The following GRAMD2B variants were observed in gnomAD, a reference collection of about 807,000 sequenced individuals.
GRAMD2B encodes the protein GRAM domain containing 2B, also known as GRAM domain-containing protein 2B.
In GRAMD2B, 41 loss-of-function variants were observed where a neutral mutation model predicts 59.2. That is an observed-to-expected ratio of 0.69 (90% CI 0.54 to 0.90). The LOEUF (loss-of-function observed/expected upper bound fraction) is 0.90. GRAMD2B is among the 40% of genes least tolerant of loss of function. The probability of loss-of-function intolerance (pLI) is 0.00; values close to 1 mark genes in which losing one functional copy is unlikely to be tolerated. For missense variants in GRAMD2B, 424 were observed against 500.5 expected (o/e 0.85, Z 1.46); for synonymous variants, 161 against 182.7 (o/e 0.88, Z 0.96).
At chr5:126,479,764 G>A (rs1771371859) in intron 6 of GRAMD2B, among the ~76,000 whole-genome samples, 1 of 152,208 alleles carries the variant, frequency 6.6e-6, no homozygotes, top group Non-Finnish European at 1.5e-5. Flanking sequence ...TCATGGAAAG[G>A]AGGTCTGAAA....
At chr5:126,466,330 A>T in intron 2 of GRAMD2B, 1 of 1,377,572 alleles carries the variant, frequency 7.3e-7, no homozygotes, top group Non-Finnish European at 1.0e-6. Context: ...TTCATTCAGG[A>T]CCAAGAGTAA....
intron 1 of GRAMD2B, among the ~76,000 whole-genome samples, chr5:126,373,466 C>T (rs893063056): frequency 6.6e-6 from 1 of 152,170 alleles, no homozygotes; most frequent in Non-Finnish European, 1.5e-5. Flanking sequence ...ATACAATTTA[C>T]ACAGTGTTTG....
At chr5:126,490,642 G>A (rs73785326) in intron 13 of GRAMD2B, among the ~76,000 whole-genome samples, 5,322 of 152,212 alleles carry the variant, frequency 0.035, 337 homozygotes, top group African/African-American at 0.12. Flanking sequence ...GGCCACACCC[G>A]TGCTCTTTTT....
At chr5:126,431,149 A>C (rs1159892679) in intron 1 of GRAMD2B, among the ~76,000 whole-genome samples, 6 of 152,118 alleles carry the variant, frequency 3.9e-5, no homozygotes, top group Non-Finnish European at 8.8e-5. Flanking sequence ...TGTCATTTTA[A>C]GGCCGGAATC....
Position 126,486,987 on chromosome 5 carries a change from T to C in GRAMD2B, c.1163+10T>C, listed in dbSNP as rs1442085238. On this transcript the variant is annotated intron_variant, in intron 12 of 13. Coordinates refer to ENST00000285689, the MANE Select transcript of GRAMD2B (RefSeq NM_023927.4). ...ACACCCATAATACTGAGTAAGACGA[T>C]TGCCTCTAGCTGTCATCTGCTTGCC... is the stretch of plus-strand genomic sequence containing the variant. The C allele has an allele frequency of 3.5e-6, 5 of 1,444,564 alleles. No homozygotes were observed. The highest frequency in any genetic ancestry group is 3.9e-6 in the Non-Finnish European group (4 of 1,026,698). 89.5% of individuals were successfully genotyped at this position (1,444,564 alleles called of 1,614,324 possible). A position where few individuals can be genotyped will look rare whatever the true frequency, so the allele number is the denominator to read the frequency against.
chr5:126,475,358 T>C (rs927630254), intron 5 of GRAMD2B, among the ~76,000 whole-genome samples: 3 of 152,280 alleles, frequency 2.0e-5, no homozygotes, highest in African/African-American at 7.2e-5. Flanking sequence ...TTATGAAAAA[T>C]CTAAATTTCT....
intron 1 of GRAMD2B, among the ~76,000 whole-genome samples, chr5:126,374,858 C>A (rs1755050484): frequency 6.6e-6 from 1 of 152,202 alleles, no homozygotes. Flanking sequence ...AATAAAAAAT[C>A]TGCTAAGACA....
rs1350471843 is a variant in GRAMD2B, at chr5:126,488,749, TCTTTC to T, written c.1164-46_1164-42del. On this transcript the variant is annotated intron_variant, in intron 12 of 13. Coordinates refer to ENST00000285689, the MANE Select transcript of GRAMD2B (RefSeq NM_023927.4). ...AAATTTTAAATGTGTTCATTCCACT[TCTTTC>T]CTTGTCATCCCTGCCCATAATAATT... 4 of 1,307,990 alleles carry T rather than the reference TCTTTC, an allele frequency of 3.1e-6. No homozygotes were observed. The African/African-American group carries it at 5.9e-5, about 19-fold the overall frequency. 81.0% of individuals were successfully genotyped at this position (1,307,990 alleles called of 1,614,324 possible). A position where few individuals can be genotyped will look rare whatever the true frequency, so the allele number is the denominator to read the frequency against.
upstream of GRAMD2B, among the ~76,000 whole-genome samples, chr5:126,367,742 ATTTTC>A (rs200204515): frequency 2.6e-5 from 4 of 151,854 alleles, no homozygotes; most frequent in African/African-American, 4.8e-5. Context: ...GCTTCAGAAG[ATTTTC>A]TTTTCTTTTC....
intron 1 of GRAMD2B, among the ~76,000 whole-genome samples, chr5:126,455,415 C>T (rs1317264884): frequency 6.6e-6 from 1 of 152,158 alleles, no homozygotes; most frequent in East Asian, 1.9e-4. Flanking sequence ...CTTCCTGCTG[C>T]CTGTACTTCA....
chr5:126,476,287 C>A (rs946731175), intron 5 of GRAMD2B, among the ~76,000 whole-genome samples: 2 of 152,098 alleles, frequency 1.3e-5, no homozygotes, highest in African/African-American at 4.8e-5. Context: ...AAAAAAAGCT[C>A]ATTTGCTTCC....
chr5:126,471,726 T>G (rs922609662), intron 3 of GRAMD2B, among the ~76,000 whole-genome samples: 3 of 152,172 alleles, frequency 2.0e-5, no homozygotes, highest in African/African-American at 7.2e-5. Context: ...GCTGGCACTG[T>G]TTTTGCCCTC....
chr5:126,473,444 G>C, intron 5 of GRAMD2B, 76 bp downstream of exon 5: 2 of 452,670 alleles, frequency 4.4e-6, no homozygotes, highest in Non-Finnish European at 7.8e-6. Context: ...CTTAAATTTA[G>C]CTATATTTGT....
In GRAMD2B at chr5:126,443,002, C is replaced by T. The variant is rs73334437; in HGVS notation, c.83+19313C>T. 4.7e-3 allele frequency among the ~76,000 whole-genome samples: 710 copies of T among 152,208 alleles called. 4 individuals are homozygous for T. The highest frequency in any genetic ancestry group is 0.016 in the African/African-American group (668 of 41,522). On this transcript the variant is annotated intron_variant, in intron 1 of 13. Transcript: ENST00000285689. ...TCCTGAAGTAGCATTACAGATTGAT[C>T]ATTAATGGGGATTGTTTTTCCCCAT...
intron 1 of GRAMD2B, among the ~76,000 whole-genome samples, chr5:126,389,206 T>C (rs1756477425): frequency 6.6e-6 from 1 of 152,204 alleles, no homozygotes; most frequent in African/African-American, 2.4e-5. Context: ...TTACCCCTCA[T>C]AGGGTTATTG....
upstream of GRAMD2B, among the ~76,000 whole-genome samples, chr5:126,368,260 G>T (rs745928003): frequency 6.6e-6 from 1 of 152,194 alleles, no homozygotes; most frequent in East Asian, 1.9e-4. Flanking sequence ...ACACACAAAT[G>T]AAAGCTGTGG....
intron 1 of GRAMD2B, among the ~76,000 whole-genome samples, chr5:126,455,919 T>C (rs12655120): frequency 0.32 from 48,010 of 152,016 alleles, 7,977 homozygotes; most frequent in East Asian, 0.6. Flanking sequence ...ATATCCTTTA[T>C]GACATGTATT....
chr5:126,456,861 C>G (rs1766368320), intron 1 of GRAMD2B, among the ~76,000 whole-genome samples: 1 of 152,182 alleles, frequency 6.6e-6, no homozygotes, highest in South Asian at 2.1e-4. Flanking sequence ...TGTCTGCTCT[C>G]TTTTTCAGTT....
In GRAMD2B at chr5:126,365,073, T is replaced by C. The variant is rs146598936; in HGVS notation, c.128+4614T>C. ...ACATAATTTTGATGATGATAAAATG[T>C]TCATTGTGATTATCTCTGGTGGCTG... On this transcript the variant is annotated intron_variant, in intron 1 of 13. Transcript: ENST00000513040. Among the ~76,000 whole-genome samples, 1,091 of 152,352 alleles carry C rather than the reference T, an allele frequency of 7.2e-3. 16 individuals are homozygous for C. The highest frequency in any genetic ancestry group is 0.024 in the African/African-American group (1,014 of 41,578).
Sources: gnomAD v4.1 joint callset for allele counts (sites outside exome capture counted in the v4.1 genomes callset) on GRCh38, gnomAD v4.1.1 for gene constraint, MANE v1.5 for transcripts, NCBI Gene and HGNC (gene_info 2026-07-23, HGNC 2026-07-21) for gene names.